SKIC3: variants seen among roughly 807,000 people sequenced by gnomAD.
SKIC3 encodes the protein SKI3 subunit of superkiller complex, also known as superkiller complex protein 3.
the SKIC3 span, among the ~76,000 whole-genome samples, chr5:95,490,479 TA>T: frequency 6.9e-6 from 1 of 145,290 alleles, no homozygotes; most frequent in Non-Finnish European, 1.5e-5. Context: ...TATATATTCA[TA>T]AAAATATACA....
chr5:95,510,471 A>G, the SKIC3 span, among the ~76,000 whole-genome samples: 1 of 152,206 alleles, frequency 6.6e-6, no homozygotes, highest in Non-Finnish European at 1.5e-5. Flanking sequence ...TGGAGGCTAC[A>G]AGATTCTGAC....
At chr5:95,488,917 G>T in the SKIC3 span, among the ~76,000 whole-genome samples, 1 of 152,120 alleles carries the variant, frequency 6.6e-6, no homozygotes, top group Non-Finnish European at 1.5e-5. Flanking sequence ...TGACAACCTT[G>T]AATGTAAATG....
chr5:95,492,206 T>C, the SKIC3 span, among the ~76,000 whole-genome samples: 1 of 152,200 alleles, frequency 6.6e-6, no homozygotes, highest in Non-Finnish European at 1.5e-5. Flanking sequence ...AAATGGGGAC[T>C]ATTTCCTAGA....
At chr5:95,533,128 A>C in the SKIC3 span, among the ~76,000 whole-genome samples, 13 of 152,182 alleles carry the variant, frequency 8.5e-5, no homozygotes, top group African/African-American at 3.1e-4. Flanking sequence ...AAGCAAAATA[A>C]GATAAATAAA....
the SKIC3 span, chr5:95,517,423 C>CT: frequency 6.2e-6 from 8 of 1,297,656 alleles, no homozygotes; most frequent in East Asian, 2.5e-5. Context: ...ACATTAAGTA[C>CT]TTTACTAGTC....
chr5:95,541,803 T>G, the SKIC3 span: 2 of 1,584,172 alleles, frequency 1.3e-6, no homozygotes, highest in Admixed American at 3.3e-5. Context: ...ACTTTCCTCA[T>G]ACATTTCTTA....
chr5:95,553,186 T>A, the SKIC3 span, among the ~76,000 whole-genome samples: 175 of 152,256 alleles, frequency 1.1e-3, 3 homozygotes, highest in South Asian at 0.028. Flanking sequence ...CTCTAAAATA[T>A]CTGTCTTGCT....
the SKIC3 span, among the ~76,000 whole-genome samples, chr5:95,539,089 G>C: frequency 1.3e-5 from 2 of 152,114 alleles, no homozygotes; most frequent in Non-Finnish European, 2.9e-5. Context: ...ACTTTATCTA[G>C]AAGAGCCTCT....
At chr5:95,492,652 GAAAAAAAAAAAAAAAAAAA>G in the SKIC3 span, among the ~76,000 whole-genome samples, 15 of 48,838 alleles carry the variant, frequency 3.1e-4, no homozygotes, top group South Asian at 8.4e-4. Flanking sequence ...AAAAAAAAAA[GAAAAAAAAAAAAAAAAAAA>G]AAAAAAAAAA....
the SKIC3 span, among the ~76,000 whole-genome samples, chr5:95,468,251 C>T: frequency 8.6e-5 from 13 of 152,004 alleles, no homozygotes; most frequent in Admixed American, 2.6e-4. Context: ...GTTATTATTC[C>T]TATATGGCAG....
chr5:95,553,215 T>G, the SKIC3 span, among the ~76,000 whole-genome samples: 1 of 152,196 alleles, frequency 6.6e-6, no homozygotes, highest in Admixed American at 6.5e-5. Context: ...CTGCAGCACC[T>G]GCTCCTATTG....
At chr5:95,493,865 C>T in the SKIC3 span, among the ~76,000 whole-genome samples, 1 of 151,822 alleles carries the variant, frequency 6.6e-6, no homozygotes, top group South Asian at 2.1e-4. Context: ...TACTGCTAGA[C>T]ATTCCAGTCT....
chr5:95,505,841 C>G, the SKIC3 span, among the ~76,000 whole-genome samples: 1 of 151,610 alleles, frequency 6.6e-6, no homozygotes. Context: ...AAAAAGTAAC[C>G]TGAAGCAAGC....
At chr5:95,464,630 T>A in the SKIC3 span, 29 of 1,613,154 alleles carry the variant, frequency 1.8e-5, no homozygotes, top group African/African-American at 3.6e-4. Flanking sequence ...AATCTCTGAT[T>A]CAGTTCCAAT....
chr5:95,493,413 A>C, the SKIC3 span, among the ~76,000 whole-genome samples: 2 of 152,288 alleles, frequency 1.3e-5, no homozygotes, highest in South Asian at 4.2e-4. Flanking sequence ...TACACAATCA[A>C]AGGCTAATAG....
chr5:95,515,170 A>G, the SKIC3 span: 1 of 416,126 alleles, frequency 2.4e-6, no homozygotes, highest in Middle Eastern at 7.7e-4. Context: ...AAAGGGTTCT[A>G]CCTTGTCATC....
the SKIC3 span, chr5:95,512,713 T>G: frequency 7.1e-7 from 1 of 1,400,146 alleles, no homozygotes; most frequent in Non-Finnish European, 1.0e-6. Context: ...ATACAATAAA[T>G]ATCACATCTC....
At chr5:95,486,420 C>T in the SKIC3 span, among the ~76,000 whole-genome samples, 2 of 152,242 alleles carry the variant, frequency 1.3e-5, no homozygotes, top group African/African-American at 4.8e-5. Context: ...CTGAAGGCTG[C>T]AACCCTATGG....
chr5:95,499,793 T>C, the SKIC3 span, among the ~76,000 whole-genome samples: 1 of 152,186 alleles, frequency 6.6e-6, no homozygotes, highest in Non-Finnish European at 1.5e-5. Context: ...TCCAAACGAG[T>C]ATTTTTATAA....
Sources: allele counts gnomAD v4.1 joint callset (sites outside exome capture counted in the v4.1 genomes callset), GRCh38; gene constraint gnomAD v4.1.1; transcripts MANE v1.5; gene names NCBI Gene and HGNC (gene_info 2026-07-23, HGNC 2026-07-21).